The following CRPPA variants were observed in gnomAD, a reference collection of about 807,000 sequenced individuals.
CRPPA encodes CDP-L-ribitol pyrophosphorylase A, also known as D-ribitol-5-phosphate cytidylyltransferase.
CRPPA carries 43 observed loss-of-function variants against 52.0 expected under a neutral mutation model. The ratio of observed to expected loss-of-function variants is 0.83; its 90% confidence interval spans 0.65 to 1.07. The LOEUF is 1.07. Among genes scored for constraint, CRPPA ranks in the 50% least tolerant of loss-of-function variants. CRPPA has a pLI of 0.00. For missense variants in CRPPA, 629 were observed against 551.7 expected (o/e 1.14, Z -1.40); for synonymous variants, 250 against 203.5 (o/e 1.23, Z -1.94).
intron 3 of CRPPA, among the ~76,000 whole-genome samples, chr7:16,372,922 A>G (rs1341355909): frequency 6.6e-6 from 1 of 152,234 alleles, no homozygotes; most frequent in African/African-American, 2.4e-5. Flanking sequence ...GATACATGAT[A>G]GATGCTGCTA....
chr7:16,315,830 C>T (rs1785132925), intron 3 of CRPPA, among the ~76,000 whole-genome samples: 1 of 152,256 alleles, frequency 6.6e-6, no homozygotes, highest in East Asian at 1.9e-4. Flanking sequence ...TACCCTGTCA[C>T]TATTTCCCAA....
chr7:16,331,976 T>G (rs766666206), intron 3 of CRPPA, among the ~76,000 whole-genome samples: 4 of 152,046 alleles, frequency 2.6e-5, no homozygotes, highest in Non-Finnish European at 2.9e-5. Flanking sequence ...AAACCACAGA[T>G]CCCAGAAGCT....
In CRPPA at chr7:16,096,834, C is replaced by T. The variant is rs114295547; in HGVS notation, c.1252-5035G>A. 1.7e-3 allele frequency among the ~76,000 whole-genome samples: 261 copies of T among 152,288 alleles called. 2 individuals carry two copies. Among genetic ancestry groups the T allele is most frequent in the African/African-American group, 6.1e-3 (252 of 41,554 alleles). On this transcript the variant is annotated intron_variant, in intron 9 of 9. Coordinates refer to ENST00000407010, the MANE Select transcript of CRPPA (RefSeq NM_001101426.4). ...AAACAGTATACTCTTCAGTAGTCCG[C>T]TTTCTTAACATACTGGGCGGGAAAA...
At chr7:16,249,196 G>C (rs1048629694) in intron 8 of CRPPA, among the ~76,000 whole-genome samples, 1 of 152,144 alleles carries the variant, frequency 6.6e-6, no homozygotes, top group African/African-American at 2.4e-5. Flanking sequence ...TCTCTGGGCA[G>C]GGCATCTCTG....
rs1045787478 is a variant in CRPPA, at chr7:16,283,492, T to A, written c.836-5266A>T. On this transcript the variant is annotated intron_variant, in intron 5 of 9. Transcript: ENST00000407010. ...GTATCTATGGGTATAGATACGTAGA[T>A]CTATATATATAAAAATGATACTATC... Among the ~76,000 whole-genome samples, 6 of 147,584 alleles carry A rather than the reference T, an allele frequency of 4.1e-5. No individual in the cohort carries two copies. The South Asian group carries it at 1.1e-3, about 26-fold the overall frequency.
chr7:16,337,606 T>A, intron 3 of CRPPA, among the ~76,000 whole-genome samples: 1 of 152,016 alleles, frequency 6.6e-6, no homozygotes, highest in East Asian at 1.9e-4. Flanking sequence ...GACAACTGTT[T>A]TTTTGCAAAT....
intron 2 of CRPPA, among the ~76,000 whole-genome samples, chr7:16,387,279 C>CA (rs35770195): frequency 6.0e-5 from 9 of 150,702 alleles, no homozygotes; most frequent in Admixed American, 1.3e-4. Context: ...AATAACAGAA[C>CA]AAAAAAGAGG....
At chr7:16,205,054 T>C (rs1214173120) in intron 9 of CRPPA, among the ~76,000 whole-genome samples, 1 of 152,142 alleles carries the variant, frequency 6.6e-6, no homozygotes, top group East Asian at 1.9e-4. Flanking sequence ...CAATGCAATA[T>C]ACACAGCACT....
chr7:16,309,339 A>G (rs1382676783), intron 3 of CRPPA, among the ~76,000 whole-genome samples: 1 of 152,108 alleles, frequency 6.6e-6, no homozygotes, highest in Non-Finnish European at 1.5e-5. Context: ...CACATGTATT[A>G]TGCCCTCAAG....
chr7:16,329,540 G>T (rs1785501238), intron 3 of CRPPA, among the ~76,000 whole-genome samples: 1 of 152,060 alleles, frequency 6.6e-6, no homozygotes, highest in South Asian at 2.1e-4. Context: ...ATTTGACTAA[G>T]AAACACAATT....
chr7:16,370,139 A>C (rs1156998541), intron 3 of CRPPA, among the ~76,000 whole-genome samples: 1 of 152,144 alleles, frequency 6.6e-6, no homozygotes, highest in Non-Finnish European at 1.5e-5. Context: ...TAGCCAATGA[A>C]CTCAGGGAGG....
intron 9 of CRPPA, among the ~76,000 whole-genome samples, chr7:16,185,039 T>A (rs1206023137): frequency 6.6e-6 from 1 of 152,194 alleles, no homozygotes; most frequent in Non-Finnish European, 1.5e-5. Context: ...CCATAGACTA[T>A]TTTAAGACAG....
At chr7:16,371,260 C>T (rs184131218) in intron 3 of CRPPA, among the ~76,000 whole-genome samples, 1 of 152,242 alleles carries the variant, frequency 6.6e-6, no homozygotes, top group East Asian at 1.9e-4. Flanking sequence ...CCTGAATCAA[C>T]TCAGTAAATA....
intron 2 of CRPPA, among the ~76,000 whole-genome samples, chr7:16,378,165 T>G (rs1786952478): frequency 6.6e-6 from 1 of 151,934 alleles, no homozygotes; most frequent in Non-Finnish European, 1.5e-5. Context: ...AATGTGCAGG[T>G]TAGTTACATA....
chr7:16,173,475 T>C (rs905204130), intron 9 of CRPPA, among the ~76,000 whole-genome samples: 1 of 152,126 alleles, frequency 6.6e-6, no homozygotes, highest in African/African-American at 2.4e-5. Flanking sequence ...AAATAACATA[T>C]GGAACATGTT....
chr7:16,310,298 G>A (rs921510291), intron 3 of CRPPA, among the ~76,000 whole-genome samples: 1 of 151,928 alleles, frequency 6.6e-6, no homozygotes, highest in Non-Finnish European at 1.5e-5. Flanking sequence ...AAGCCCTAAG[G>A]ACACTTATCA....
intron 9 of CRPPA, among the ~76,000 whole-genome samples, chr7:16,200,184 T>G (rs1294113423): frequency 6.6e-6 from 1 of 152,160 alleles, no homozygotes; most frequent in Non-Finnish European, 1.5e-5. Context: ...AAAAGTGACT[T>G]TGCTTCTACG....
intron 9 of CRPPA, among the ~76,000 whole-genome samples, chr7:16,142,103 G>A (rs185252819): frequency 3.9e-5 from 6 of 152,220 alleles, no homozygotes; most frequent in African/African-American, 1.4e-4. Flanking sequence ...TGTTACCTAA[G>A]AGACATAAAC....
chr7:16,342,697 C>T (rs1294702453), intron 3 of CRPPA, among the ~76,000 whole-genome samples: 1 of 145,854 alleles, frequency 6.9e-6, no homozygotes, highest in Non-Finnish European at 1.5e-5. Flanking sequence ...GGCAGATCAC[C>T]TCAAGAGGTG....
Sources: allele counts gnomAD v4.1 joint callset (sites outside exome capture counted in the v4.1 genomes callset), GRCh38; gene constraint gnomAD v4.1.1; transcripts MANE v1.5; gene names NCBI Gene and HGNC (gene_info 2026-07-23, HGNC 2026-07-21).